The following NELL1 variants were observed in gnomAD, a reference collection of about 807,000 sequenced individuals.
NELL1 encodes the protein neural EGFL like 1, also known as protein kinase C-binding protein NELL1.
A neutral mutation model predicts 107.4 loss-of-function variants in NELL1; 76 were observed. That is an observed-to-expected ratio of 0.71 (90% CI 0.59 to 0.86). The LOEUF is 0.86. Among genes scored for constraint, NELL1 ranks in the 40% least tolerant of loss-of-function variants. The pLI is 0.00. For synonymous variants in NELL1, 353 were observed against 341.2 expected (o/e 1.03, Z -0.38); for missense variants, 1,024 against 1,005.5 (o/e 1.02, Z -0.25).
At chr11:20,695,118 G>A (rs7924687) in intron 2 of NELL1, among the ~76,000 whole-genome samples, 66,997 of 151,940 alleles carry the variant, frequency 0.44, 16,339 homozygotes, top group Middle Eastern at 0.61. Context: ...ATATAAAAAT[G>A]TTACTGATTT....
chr11:21,264,012 A>AT (rs1303163892), intron 14 of NELL1, among the ~76,000 whole-genome samples: 2 of 150,062 alleles, frequency 1.3e-5, no homozygotes, highest in Middle Eastern at 3.5e-3. Flanking sequence ...TTTATAGAGA[A>AT]TTTTTTTGTT....
At chr11:21,541,647 G>A (rs965181381) in intron 16 of NELL1, among the ~76,000 whole-genome samples, 1 of 152,088 alleles carries the variant, frequency 6.6e-6, no homozygotes, top group African/African-American at 2.4e-5. Flanking sequence ...ATGTAATGGA[G>A]AGGGGTTTTA....
intron 15 of NELL1, among the ~76,000 whole-genome samples, chr11:21,476,181 A>G (rs1175048948): frequency 6.6e-6 from 1 of 152,180 alleles, no homozygotes; most frequent in African/African-American, 2.4e-5. Context: ...GTAAAAATAT[A>G]TATACTATAG....
At chr11:21,204,897 A>C (rs193186182) in intron 13 of NELL1, among the ~76,000 whole-genome samples, 1 of 152,100 alleles carries the variant, frequency 6.6e-6, no homozygotes, top group Admixed American at 6.5e-5. Context: ...AGTTTGCTGG[A>C]GGTCCACTCC....
intron 14 of NELL1, among the ~76,000 whole-genome samples, chr11:21,354,264 T>C (rs1250098774): frequency 6.6e-6 from 1 of 152,144 alleles, no homozygotes; most frequent in East Asian, 1.9e-4. Flanking sequence ...GGGACAGTAT[T>C]GTCTGCAGGA....
chr11:20,916,174 T>C (rs928969705), intron 5 of NELL1, among the ~76,000 whole-genome samples: 1 of 151,892 alleles, frequency 6.6e-6, no homozygotes, highest in African/African-American at 2.4e-5. Flanking sequence ...TTAATGAGCA[T>C]TGGGAAGCTG....
chr11:20,833,341 G>A (rs920388672), intron 3 of NELL1, among the ~76,000 whole-genome samples: 1 of 152,036 alleles, frequency 6.6e-6, no homozygotes, highest in African/African-American at 2.4e-5. Flanking sequence ...TTATCTCCTT[G>A]ATGAGTAACT....
At chr11:20,961,355 C>G (rs560845192) in intron 12 of NELL1, among the ~76,000 whole-genome samples, 1 of 152,144 alleles carries the variant, frequency 6.6e-6, no homozygotes, top group African/African-American at 2.4e-5. Flanking sequence ...TCATGGCTCC[C>G]TTCCATCAGT....
intron 11 of NELL1, among the ~76,000 whole-genome samples, chr11:20,952,765 T>C (rs1048222545): frequency 3.3e-5 from 5 of 152,188 alleles, no homozygotes; most frequent in Non-Finnish European, 7.3e-5. Flanking sequence ...TCAAGGTCTA[T>C]GAAGCTTCCA....
chr11:21,483,552 T>C lies in NELL1; in HGVS notation c.1646-50822T>C, dbSNP rs140918293. Among the ~76,000 whole-genome samples, 1,191 of 152,212 alleles carry C rather than the reference T, an allele frequency of 7.8e-3. 20 individuals carry two copies. The highest frequency in any genetic ancestry group is 0.028 in the African/African-American group (1,143 of 41,534). ...AGTAATTATCCTGTTCGTTTAGCAA[T>C]TAAAAATGCTAGTAAAACAGTTTTG... On this transcript the variant is annotated intron_variant, in intron 15 of 19. Transcript: ENST00000357134.
intron 12 of NELL1, among the ~76,000 whole-genome samples, chr11:21,065,726 A>T (rs1853851751): frequency 6.6e-6 from 1 of 152,216 alleles, no homozygotes; most frequent in Non-Finnish European, 1.5e-5. Flanking sequence ...AAAATGGCAA[A>T]AGATTTTGCA....
intron 15 of NELL1, among the ~76,000 whole-genome samples, chr11:21,403,957 C>T (rs1259726580): frequency 6.6e-6 from 1 of 150,828 alleles, no homozygotes; most frequent in Non-Finnish European, 1.5e-5. Context: ...ACTGTATCCT[C>T]CTCTAACCCT....
chr11:21,046,677 A>ATTATTTATTTATTTAT lies in NELL1; in HGVS notation c.1301-66887_1301-66872dup, dbSNP rs34098589. On this transcript the variant is annotated intron_variant, in intron 12 of 19. Transcript: ENST00000357134. The stretch of plus-strand genomic sequence containing the variant: ...GCAGCTTTGCCCATTTATTTACTCA[A>ATTATTTATTTATTTAT]TTATTTATTTATTTATTTATTTATT... Among the ~76,000 whole-genome samples, 289 of 143,614 alleles carry ATTATTTATTTATTTAT rather than the reference A, an allele frequency of 2.0e-3. 2 individuals carry two copies. The highest frequency in any genetic ancestry group is 3.4e-3 in the Non-Finnish European group (221 of 65,942). The allele number at this position is 143,614 out of a possible 152,430, so 94.2% of individuals were successfully genotyped here.
chr11:21,105,856 TCCCCTCCC>T (rs1854949034), intron 12 of NELL1, among the ~76,000 whole-genome samples: 1 of 11,700 alleles, frequency 8.5e-5, no homozygotes. Context: ...CTTCCCTCTC[TCCCCTCCC>T]CCTCCCCTTC....
At chr11:21,239,761 CT>C (rs1408324801) in intron 14 of NELL1, among the ~76,000 whole-genome samples, 2 of 151,964 alleles carry the variant, frequency 1.3e-5, no homozygotes, top group African/African-American at 4.8e-5. Flanking sequence ...TATCTTTGTT[CT>C]CTTGAATCAA....
chr11:21,330,127 AC>A (rs1181804375), intron 14 of NELL1, among the ~76,000 whole-genome samples: 9 of 151,878 alleles, frequency 5.9e-5, no homozygotes, highest in Non-Finnish European at 1.5e-5. Flanking sequence ...GCTCCTAACT[AC>A]CTTCTTTGTG....
At chr11:20,873,763 T>A (rs1349617893) in intron 4 of NELL1, among the ~76,000 whole-genome samples, 1 of 146,596 alleles carries the variant, frequency 6.8e-6, no homozygotes, top group Non-Finnish European at 1.5e-5. Context: ...GGTTGAATAT[T>A]TGACTTTTTT....
intron 13 of NELL1, among the ~76,000 whole-genome samples, chr11:21,148,237 A>G (rs981617552): frequency 3.9e-5 from 6 of 152,250 alleles, no homozygotes; most frequent in Admixed American, 6.5e-5. Context: ...AAAACCCATT[A>G]TAGAACCAAG....
intron 15 of NELL1, among the ~76,000 whole-genome samples, chr11:21,376,288 C>T (rs1025449982): frequency 2.0e-5 from 3 of 152,060 alleles, no homozygotes; most frequent in African/African-American, 4.8e-5. Context: ...ATCTCAGCAC[C>T]ATTTATTGAA....
Sources: allele counts gnomAD v4.1 joint callset (sites outside exome capture counted in the v4.1 genomes callset), GRCh38; gene constraint gnomAD v4.1.1; transcripts MANE v1.5; gene names NCBI Gene and HGNC (gene_info 2026-07-23, HGNC 2026-07-21).